The following CBX1 variants were observed in gnomAD, a reference collection of about 807,000 sequenced individuals.
CBX1 encodes chromobox protein homolog 1.
In CBX1, 10 loss-of-function variants were observed where a neutral mutation model predicts 25.1. The ratio of observed to expected loss-of-function variants is 0.40; its 90% CI spans 0.25 to 0.68. CBX1 has a LOEUF of 0.68. CBX1 is among the 30% of genes least tolerant of loss of function. The pLI, the probability that CBX1 is intolerant of heterozygous loss-of-function variation, is 0.40. For synonymous variants in CBX1, 63 were observed against 79.4 expected (o/e 0.79, Z 1.10); for missense variants, 106 against 218.5 (o/e 0.49, Z 3.25).
chr17:48,090,566 A>T (rs1250743057), intron 1 of CBX1, among the ~76,000 whole-genome samples: 2 of 152,124 alleles, frequency 1.3e-5, no homozygotes, highest in African/African-American at 4.8e-5. Flanking sequence ...GCAATGGGTA[A>T]CTCCTGATCC....
intron 1 of CBX1, 27 bp from the exon 2 acceptor site, chr17:48,077,068 G>T: frequency 6.5e-7 from 1 of 1,531,514 alleles, no homozygotes; most frequent in Non-Finnish European, 8.8e-7. Flanking sequence ...AATAAAAAGG[G>T]CATTAGGGAG....
At chr17:48,100,369 T>G (rs1007051551) in intron 1 of CBX1, among the ~76,000 whole-genome samples, 1 of 152,128 alleles carries the variant, frequency 6.6e-6, no homozygotes, top group East Asian at 1.9e-4. Flanking sequence ...TTCATCACCT[T>G]TGTGAGACCA....
chr17:48,072,833 T>C lies in CBX1; in HGVS notation c.414-1254A>G, dbSNP rs543831002. 2.1e-4 allele frequency among the ~76,000 whole-genome samples: 32 copies of C among 151,456 alleles called. No individual in the cohort carries two copies. In the East Asian group the frequency reaches 4.5e-3, roughly 21 times the overall value. ...AAAATCATACACATTATAAGGGAAT[T>C]AGGAGTAAACTCTTAGGCAGGGAGC... On this transcript the variant is annotated intron_variant, in intron 4 of 4. Coordinates refer to ENST00000225603, the MANE Select transcript of CBX1 (RefSeq NM_001127228.2).
At chr17:48,088,166 C>G (rs2063323458) in intron 1 of CBX1, 1 of 151,514 alleles carries the variant, frequency 6.6e-6, no homozygotes, top group Non-Finnish European at 1.5e-5. Context: ...AAAAAATTAC[C>G]TGGGCGTGGT....
intron 1 of CBX1, among the ~76,000 whole-genome samples, chr17:48,089,781 T>TAC (rs2063334392): frequency 1.3e-5 from 2 of 149,988 alleles, no homozygotes; most frequent in African/African-American, 4.9e-5. Context: ...CGAGATCGTG[T>TAC]CACTGCACTC....
At chr17:48,092,507 G>C (rs2063349791) in intron 1 of CBX1, among the ~76,000 whole-genome samples, 1 of 149,970 alleles carries the variant, frequency 6.7e-6, no homozygotes, top group Admixed American at 6.6e-5. Flanking sequence ...TGTTGCCCAG[G>C]CTAGAGTGCA....
intron 4 of CBX1, among the ~76,000 whole-genome samples, chr17:48,073,155 T>G (rs986846579): frequency 1.3e-5 from 2 of 151,914 alleles, no homozygotes; most frequent in African/African-American, 4.8e-5. Context: ...ATCTTCAGGT[T>G]ATTAGGAATG....
At chr17:48,087,898 G>C (rs1401032511) in intron 1 of CBX1, among the ~76,000 whole-genome samples, 3 of 147,028 alleles carry the variant, frequency 2.0e-5, no homozygotes, top group African/African-American at 7.5e-5. Context: ...AAAGAAAACA[G>C]AAAAAAGAAG....
At chr17:48,073,393 C>G (rs1332712444) in intron 4 of CBX1, among the ~76,000 whole-genome samples, 1 of 152,096 alleles carries the variant, frequency 6.6e-6, no homozygotes. Context: ...CTGAACAACA[C>G]CCTCTGAGTT....
intron 1 of CBX1, chr17:48,088,216 CAGA>C (rs1258484519): frequency 1.3e-5 from 2 of 150,988 alleles, no homozygotes; most frequent in African/African-American, 2.4e-5. Flanking sequence ...GAGGCAGAGG[CAGA>C]AGAATTGCTA....
chr17:48,099,590 C>G (rs1316325419), intron 1 of CBX1, among the ~76,000 whole-genome samples: 4 of 152,096 alleles, frequency 2.6e-5, no homozygotes, highest in African/African-American at 9.7e-5. Flanking sequence ...TATAAGGCAC[C>G]TAGGGAGGAA....
intron 1 of CBX1, chr17:48,100,823 T>C (rs1598321315): frequency 1.0e-6 from 1 of 985,614 alleles, no homozygotes; most frequent in Non-Finnish European, 1.2e-6. Flanking sequence ...AAAGCCAGGT[T>C]CCTCTGGCAG....
chr17:48,094,163 G>C (rs1220721101), intron 1 of CBX1, among the ~76,000 whole-genome samples: 5 of 144,552 alleles, frequency 3.5e-5, no homozygotes, highest in Non-Finnish European at 7.5e-5. Flanking sequence ...GTAGGGCGCA[G>C]TGGCTCATGC....
intron 1 of CBX1, among the ~76,000 whole-genome samples, chr17:48,081,297 A>AC (rs2144442523): frequency 6.6e-6 from 1 of 152,030 alleles, no homozygotes; most frequent in South Asian, 2.1e-4. Flanking sequence ...ACTGATCTCT[A>AC]CCTACTGCAA....
At chr17:48,095,447 G>A (rs2063368923) in intron 1 of CBX1, among the ~76,000 whole-genome samples, 1 of 152,046 alleles carries the variant, frequency 6.6e-6, no homozygotes, top group South Asian at 2.1e-4. Context: ...AAATTAGCTG[G>A]GCATGGTGGT....
intron 1 of CBX1, among the ~76,000 whole-genome samples, chr17:48,097,883 T>G (rs1024431132): frequency 6.6e-6 from 1 of 152,222 alleles, no homozygotes; most frequent in African/African-American, 2.4e-5. Context: ...TGGTAAATTA[T>G]TGCTCAGGTC....
At chr17:48,085,455 A>G (rs2063307297) in intron 1 of CBX1, among the ~76,000 whole-genome samples, 2 of 152,212 alleles carry the variant, frequency 1.3e-5, no homozygotes, top group Non-Finnish European at 2.9e-5. Context: ...AGGAAAGGAC[A>G]CAGAGGTCTC....
At chr17:48,089,361 A>G (rs2063330681) in intron 1 of CBX1, among the ~76,000 whole-genome samples, 1 of 150,360 alleles carries the variant, frequency 6.7e-6, no homozygotes, top group African/African-American at 2.4e-5. Flanking sequence ...TCGGCCTCCA[A>G]CAGTGCTGGA....
In CBX1 at chr17:48,070,258, T is replaced by C. The variant is rs1330679791; in HGVS notation, c.*1177A>G. 5.9e-5 allele frequency: 9 copies of C among 152,650 alleles called. No homozygotes were observed. The highest frequency in any genetic ancestry group is 2.2e-4 in the African/African-American group (9 of 41,452). 9.5% of individuals were successfully genotyped at this position (152,650 alleles called of 1,614,324 possible). A position where few individuals can be genotyped will look rare whatever the true frequency, so the allele number is the denominator to read the frequency against. ...TTTTGGGTATGTTACTTATTAGGAT[T>C]TCTTAAAAAATTGTTTTGTGTGTGT... On this transcript the variant is annotated 3_prime_UTR_variant, in exon 5 of 5. Transcript: ENST00000225603.
Sources: allele counts gnomAD v4.1 joint callset (sites outside exome capture counted in the v4.1 genomes callset), GRCh38; gene constraint gnomAD v4.1.1; transcripts MANE v1.5; gene names NCBI Gene and HGNC (gene_info 2026-07-23, HGNC 2026-07-21).